Variants in GLMN observed in about 807,000 individuals in gnomAD.
The protein encoded by GLMN is glomulin, FKBP associated protein.
A neutral mutation model predicts 87.8 loss-of-function variants in GLMN; 75 were observed. The ratio of observed to expected loss-of-function variants is 0.85; its 90% CI spans 0.71 to 1.04. The LOEUF (loss-of-function observed/expected upper bound fraction) is 1.04, where lower values mean the gene tolerates loss of function less well. Among genes scored for constraint, GLMN ranks in the 50% least tolerant of loss-of-function variants. The pLI is 0.00. For missense variants in GLMN, 588 were observed against 658.8 expected, an observed-to-expected ratio of 0.89 and a Z score of 1.18; for synonymous variants, 206 against 221.6, an observed-to-expected ratio of 0.93 and a Z score of 0.63.
At chr1:92,300,206 C>G, upstream of GLMN, 1 of 1,609,604 alleles carries the variant, frequency 6.2e-7, no homozygotes, top group Non-Finnish European at 8.5e-7. Context: ...ACTAAACAGA[C>G]AAGTACTTTG....
Position 92,266,436 on chromosome 1 carries a change from GC to G in GLMN, c.1196del (p.Gly399AlafsTer10). The G allele has an allele frequency of 6.4e-7, 1 of 1,553,584 alleles. No individual in the cohort carries two copies. Among genetic ancestry groups the G allele is most frequent in the Non-Finnish European group, 8.9e-7 (1 of 1,125,694 alleles). On this transcript the variant is annotated frameshift_variant, in exon 13 of 19. Transcript: ENST00000370360. LOFTEE classifies it high-confidence loss of function. ...ATACATACCTAAATAATGTATATTT[GC>G]CTTGTGAATCCAACTTGTTAATATA... Reference protein sequence around the residue: ...QLYINKLDSQGKYTLFRCLLN... With the variant: ...QLYINKLDSQXKYTLFRCLLN...
the GLMN span, among the ~76,000 whole-genome samples, chr1:92,358,160 T>C: frequency 6.6e-6 from 1 of 152,232 alleles, no homozygotes; most frequent in African/African-American, 2.4e-5. Flanking sequence ...TCAAAGGCTT[T>C]CAATTGCTCT....
Position 92,271,491 on chromosome 1 carries a change from A to G in GLMN, c.897T>C (p.His299=). 1 of 1,613,146 alleles carries G rather than the reference A, an allele frequency of 6.2e-7. No homozygotes were observed. The highest frequency in any genetic ancestry group is 8.5e-7 in the Non-Finnish European group (1 of 1,179,184). The change falls in exon 8 of 19, where the codon CAT becomes CAC. Residue 299 remains histidine, a synonymous_variant. Coordinates refer to ENST00000370360, the MANE Select transcript of GLMN (RefSeq NM_053274.3). ...LAYLVFVQGI[H]IDQLPMVLSP... ...TTAAGACCATTGGAAGCTGATCAAT[A>G]TGGATGCCCTGTACAAATACTAGAT...
Position 92,246,453 on chromosome 1 carries a change from A to T in GLMN, c.*77T>A, listed in dbSNP as rs1464904649. 8.4e-6 allele frequency: 6 copies of T among 713,734 alleles called. No individual in the cohort carries two copies. Among genetic ancestry groups the T allele is most frequent in the East Asian group, 2.7e-5 (1 of 36,626 alleles). 44.2% of individuals were successfully genotyped at this position (713,734 alleles called of 1,614,324 possible). A position where few individuals can be genotyped will look rare whatever the true frequency, so the allele number is the denominator to read the frequency against. On this transcript the variant is annotated 3_prime_UTR_variant, in exon 19 of 19. Transcript: ENST00000370360. The stretch of plus-strand genomic sequence containing the variant: ...TCAAGCAGTAAATTTTTACAGAAAA[A>T]TTTTTTATAAAGGTATTAAATGAAT...
At chr1:92,301,666 AT>A (rs1557585785), upstream of GLMN, 1 of 545,962 alleles carries the variant, frequency 1.8e-6, no homozygotes, top group African/African-American at 2.0e-5. Context: ...ACTTCTTTGC[AT>A]TATTAGAATC....
At chr1:92,314,378 C>T in the GLMN span, among the ~76,000 whole-genome samples, 13 of 148,252 alleles carry the variant, frequency 8.8e-5, no homozygotes, top group African/African-American at 3.3e-4. Flanking sequence ...TTTAGTAGTG[C>T]ATTTTATTTA....
chr1:92,285,461 T>C (rs1486034895), intron 7 of GLMN, among the ~76,000 whole-genome samples: 1 of 152,034 alleles, frequency 6.6e-6, no homozygotes, highest in African/African-American at 2.4e-5. Context: ...CCATGGCTGG[T>C]TGGGGCGTGG....
intron 6 of GLMN, among the ~76,000 whole-genome samples, chr1:92,287,284 C>A (rs899387259): frequency 6.6e-6 from 1 of 152,150 alleles, no homozygotes; most frequent in Admixed American, 6.6e-5. Flanking sequence ...TGTGATTAAG[C>A]CTTTCCTATT....
upstream of GLMN, chr1:92,301,362 A>C: frequency 2.5e-6 from 1 of 396,180 alleles, no homozygotes; most frequent in Non-Finnish European, 4.4e-6. Flanking sequence ...AAATTTTTTA[A>C]ATATATTTAA....
intron 16 of GLMN, among the ~76,000 whole-genome samples, chr1:92,251,245 C>T (rs957042585): frequency 6.6e-6 from 1 of 152,064 alleles, no homozygotes; most frequent in African/African-American, 2.4e-5. Context: ...ATAAAGGAAT[C>T]AAGACAGTGT....
chr1:92,294,525 A>G (rs1649802972), intron 3 of GLMN, among the ~76,000 whole-genome samples: 1 of 152,222 alleles, frequency 6.6e-6, no homozygotes, highest in African/African-American at 2.4e-5. Context: ...ATACTGTAAT[A>G]AATAGTATGT....
chr1:92,250,796 GTTCTT>G (rs775256389), intron 16 of GLMN, among the ~76,000 whole-genome samples: 16 of 152,160 alleles, frequency 1.1e-4, no homozygotes, highest in African/African-American at 2.6e-4. Flanking sequence ...ATTGAGCCTA[GTTCTT>G]TTCTTTTTAT....
In GLMN at chr1:92,297,511, C is replaced by A; in HGVS notation, c.58G>T (p.Asp20Tyr). 1 of 1,603,982 alleles carries A rather than the reference C, an allele frequency of 6.2e-7. No individual in the cohort carries two copies. Among genetic ancestry groups the A allele is most frequent in the South Asian group, 1.1e-5 (1 of 90,320 alleles). ...IKRCQILEEQ[D>Y]FKEEDFGLFQ... ...AGGCCAAAATCCTCTTCTTTAAAGT[C>A]TTGCTCTTCTAGGATTTGCTGGCAA... is the stretch of plus-strand genomic sequence containing the variant. Residue 20 changes from aspartate (D) to tyrosine (Y), a missense_variant, in exon 3 of 19, where the codon GAC becomes TAC. Physicochemically the swap from Asp to Tyr is radical, Grantham distance 160 (BLOSUM62 -3). Transcript: ENST00000370360.
chr1:92,269,636 G>C (rs1656024471), intron 9 of GLMN, 87 bp downstream of exon 9: 3 of 862,076 alleles, frequency 3.5e-6, no homozygotes, highest in East Asian at 2.4e-5. Flanking sequence ...TTAGAGCTTA[G>C]CAAAGAAAAG....
At chr1:92,304,075 T>C in the GLMN span, 1 of 1,585,100 alleles carries the variant, frequency 6.3e-7, no homozygotes, top group Non-Finnish European at 8.6e-7. Context: ...AGCTGGGAAT[T>C]GTAAGTAACT....
At chr1:92,326,065 T>A in the GLMN span, among the ~76,000 whole-genome samples, 4 of 151,998 alleles carry the variant, frequency 2.6e-5, no homozygotes, top group African/African-American at 9.7e-5. Context: ...TGGTGGGTTA[T>A]CGTATATGCA....
At chr1:92,263,377 G>A (rs1285690949) in intron 15 of GLMN, among the ~76,000 whole-genome samples, 1 of 152,158 alleles carries the variant, frequency 6.6e-6, no homozygotes, top group African/African-American at 2.4e-5. Context: ...AATTTCTATG[G>A]AATGCTGGGT....
intron 3 of GLMN, among the ~76,000 whole-genome samples, chr1:92,294,619 T>C (rs1181150042): frequency 2.0e-5 from 3 of 152,152 alleles, no homozygotes; most frequent in Non-Finnish European, 2.9e-5. Flanking sequence ...GTGAAGATAA[T>C]AGTAAATCTT....
the GLMN span, among the ~76,000 whole-genome samples, chr1:92,314,348 T>C: frequency 7.5e-5 from 11 of 147,332 alleles, no homozygotes; most frequent in African/African-American, 2.9e-4. Flanking sequence ...TTTTGGTTTT[T>C]GGGTTTTTTT....
Sources: allele counts gnomAD v4.1 joint callset (sites outside exome capture counted in the v4.1 genomes callset), GRCh38; gene constraint gnomAD v4.1.1; transcripts MANE v1.5; gene names NCBI Gene and HGNC (gene_info 2026-07-23, HGNC 2026-07-21).